WDR90: variants seen among roughly 807,000 people sequenced by gnomAD.
WDR90 encodes the protein WD repeat-containing protein 90.
In WDR90, 238 loss-of-function variants were observed where a neutral mutation model predicts 195.2. That is an observed-to-expected ratio of 1.22 (90% CI 1.10 to 1.36). The LOEUF (loss-of-function observed/expected upper bound fraction) is 1.36. Ranked by LOEUF, WDR90 falls within the 40% of genes most tolerant of loss-of-function variation. WDR90 has a pLI of 0.00. For synonymous variants in WDR90, 1,265 were observed against 1,052.4 expected (o/e 1.20, Z -3.91); for missense variants, 2,734 against 2,439.5 (o/e 1.12, Z -2.54).
rs769987565 is a variant in WDR90 at position 661,179 on chromosome 16, G to C, written c.3513+7G>C. The C allele has an allele frequency of 6.5e-7, 1 of 1,535,308 alleles. No homozygotes were observed. The highest frequency in any genetic ancestry group is 1.9e-5 in the Admixed American group (1 of 52,278). ...CCTCAGCCACAGTGCCCAGGTGCCC[G>C]CCTGCATCGCCCTCCTCCTCTCCCA... On this transcript the variant is annotated splice_region_variant and intron_variant, in intron 29 of 40. Transcript: ENST00000293879.
intron 27 of WDR90, 90 bp downstream of exon 27, chr16:660,251 TG>T: frequency 3.2e-6 from 4 of 1,238,012 alleles, no homozygotes; most frequent in Non-Finnish European, 4.4e-6. Context: ...GGGTTGCTTT[TG>T]GTCGCCAAAG....
Position 660,692 on chromosome 16 carries a change from C to G in WDR90, c.3369C>G (p.Asn1123Lys), listed in dbSNP as rs1278820487. The G allele has an allele frequency of 2.5e-6, 4 of 1,576,568 alleles. No individual in the cohort carries two copies. In the East Asian group the frequency reaches 7.1e-5, roughly 28 times the overall value. Reference protein sequence around the residue: ...VVGYSGNGRANMVWRPDTGFF... With the variant: ...VVGYSGNGRAKMVWRPDTGFF... ...GTTACAGCGGGAATGGGCGGGCCAA[C>G]ATGGTCTGGAGGCCGGACACAGGTG... Residue 1123 changes from asparagine to lysine, a missense_variant, in exon 28 of 41, where the codon AAC becomes AAG. Coordinates refer to ENST00000293879, the MANE Select transcript of WDR90 (RefSeq NM_145294.5).
rs1400291345 is a variant in WDR90, at chr16:666,661, G to C, written c.4885-12G>C. 1 of 1,612,482 alleles carries C rather than the reference G, an allele frequency of 6.2e-7. No individual in the cohort carries two copies. The highest frequency in any genetic ancestry group is 1.3e-5 in the African/African-American group (1 of 75,068). Reference sequence around the variant, plus strand: ...CCCATCCACCCCACCGCAGCATGCTGCGCCTTTGCAGACTCAGGGCCACCT... The same window carrying C: ...CCCATCCACCCCACCGCAGCATGCTCCGCCTTTGCAGACTCAGGGCCACCT... On this transcript the variant is annotated splice_polypyrimidine_tract_variant and intron_variant, in intron 38 of 40. Coordinates refer to ENST00000293879, the MANE Select transcript of WDR90 (RefSeq NM_145294.5).
At chr16:667,122 C>T in intron 40 of WDR90, 133 bp downstream of exon 40, 2 of 993,326 alleles carry the variant, frequency 2.0e-6, no homozygotes, top group Non-Finnish European at 3.0e-6. Flanking sequence ...AGGACATCTG[C>T]CCTAGAGAGG....
At chr16:657,297 G>A (rs1390872490) in intron 20 of WDR90, 76 bp downstream of exon 20, 4 of 1,450,806 alleles carry the variant, frequency 2.8e-6, no homozygotes, top group African/African-American at 2.8e-5. Context: ...CCCACACCTG[G>A]ACACACATGC....
chr16:662,631 C>A, intron 33 of WDR90, 48 bp from the exon 34 acceptor site: 1 of 1,513,116 alleles, frequency 6.6e-7, no homozygotes. Flanking sequence ...CTCTTGTCAT[C>A]GGCCTTGAGA....
chr16:650,081 C>T lies in WDR90; in HGVS notation c.193C>T (p.Leu65=), dbSNP rs2037611091. The change falls in exon 3 of 41, where the codon CTG becomes TTG. Residue 65 remains leucine, a synonymous_variant. Transcript: ENST00000293879. The part of the protein sequence containing the change: ...IQLPKSSTQS[L]GLTGRYLYVL... ...GCTCCCTAAGAGCAGCACCCAGTCTCTGGGGCTGACGGGACGATACCTGTA... is the reference window on the plus strand; with the variant it reads ...GCTCCCTAAGAGCAGCACCCAGTCTTTGGGGCTGACGGGACGATACCTGTA... 1.9e-6 allele frequency: 3 copies of T among 1,612,952 alleles called. No homozygotes were observed. The highest frequency in any genetic ancestry group is 2.5e-6 in the Non-Finnish European group (3 of 1,179,990).
rs764602873 is a variant in WDR90 at position 661,782 on chromosome 16, C to A, written c.3859C>A (p.Leu1287Ile). 1.9e-6 allele frequency: 3 copies of A among 1,598,412 alleles called. No individual in the cohort carries two copies. The highest frequency in any genetic ancestry group is 2.2e-5 in the South Asian group (2 of 89,634). Reference sequence around the variant, plus strand: ...TCAGCAGCGTGGGGCAGACATCAGCCTTCAGGTGCCACCCGTTCAGCGTTT... The same window carrying A: ...TCAGCAGCGTGGGGCAGACATCAGCATTCAGGTGCCACCCGTTCAGCGTTT... ...LLQQRGADIS[L>I]QVRREPVPEA... The change falls in exon 31 of 41, where the codon CTT (leucine) becomes ATT (isoleucine). Residue 1287 changes from leucine (L) to isoleucine (I), a missense_variant. By Grantham distance (5) the Leu-to-Ile change is conservative (BLOSUM62 2). Transcript: ENST00000293879.
At chr16:654,977 G>A (rs992654896) in intron 13 of WDR90, 52 bp from the exon 14 acceptor site, 5 of 1,570,548 alleles carry the variant, frequency 3.2e-6, no homozygotes, top group South Asian at 2.2e-5. Context: ...TTGCAGAATC[G>A]AGGTGGCCCC....
chr16:655,341 T>C lies in WDR90; in HGVS notation c.1591T>C (p.Trp531Arg), dbSNP rs752454131. Residue 531 changes from tryptophan to arginine, a missense_variant, in exon 15 of 41, where the codon TGG (tryptophan) becomes CGG (arginine). Coordinates refer to ENST00000293879, the MANE Select transcript of WDR90 (RefSeq NM_145294.5). ...ASCGQGSVRL[W>R]RLRGGVLRSC... The stretch of plus-strand genomic sequence containing the variant: ...GTGCGGGCAGGGCAGTGTGCGGCTC[T>C]GGCGGCTGCGTGGCGGGGTGCTGCG... The C allele has an allele frequency of 1.9e-6, 3 of 1,603,496 alleles. No individual in the cohort carries two copies. The highest frequency in any genetic ancestry group is 2.5e-6 in the Non-Finnish European group (3 of 1,179,392).
At chr16:667,285 G>A in intron 40 of WDR90, 147 bp from the exon 41 acceptor site, 2 of 1,105,436 alleles carry the variant, frequency 1.8e-6, no homozygotes, top group Non-Finnish European at 1.3e-6. Context: ...AGTCCCAGTG[G>A]CACGTGGAGG....
chr16:662,239 T>G lies in WDR90; in HGVS notation c.4053T>G (p.Gly1351=). The G allele has an allele frequency of 1.3e-6, 2 of 1,577,096 alleles. No homozygotes were observed. Among genetic ancestry groups the G allele is most frequent in the Admixed American group, 1.8e-5 (1 of 54,596 alleles). Residue 1351 remains glycine (G), a synonymous_variant, in exon 33 of 41, where the codon GGT becomes GGG. Coordinates refer to ENST00000293879, the MANE Select transcript of WDR90 (RefSeq NM_145294.5). ...CCCTAGGGCTGTTGCTGTTCTCGGG[T>G]TCTCGATTGGTCAGCGGCAGCAGCA... is the stretch of plus-strand genomic sequence containing the variant. ...DGGIGLLLFS[G]SRLVSGSSTG...
rs771832201 is a variant in WDR90 at position 660,635 on chromosome 16, C to T, written c.3312C>T (p.Ser1104=). The T allele has an allele frequency of 1.3e-5, 20 of 1,575,540 alleles. No homozygotes were observed. In the East Asian group the frequency reaches 2.4e-4, roughly 19 times the overall value. Residue 1104 remains serine, a synonymous_variant, in exon 28 of 41, where the codon AGC becomes AGT. Transcript: ENST00000293879. ...SAKGTCPPPA[S]GGWLRLKAVV... is the part of the protein sequence containing the mutation. ...AGGGCACTTGCCCGCCTCCCGCCAG[C>T]GGTGGGTGGCTGCGTCTGAAGGCTG...
Position 659,115 on chromosome 16 carries a change from C to T in WDR90, c.3041C>T (p.Ala1014Val). The change falls in exon 25 of 41, where the codon GCC (alanine) becomes GTC (valine). Residue 1014 changes from alanine (A) to valine (V), a missense_variant. By Grantham distance (64) the Ala-to-Val change is moderately conservative. Coordinates refer to ENST00000293879, the MANE Select transcript of WDR90 (RefSeq NM_145294.5). Reference sequence around the variant, plus strand: ...CAAAGCTTCCCCGGGGCCCCCCCAGCCTGCAAGACAGGTGAGTGGCTGTGC... The same window carrying T: ...CAAAGCTTCCCCGGGGCCCCCCCAGTCTGCAAGACAGGTGAGTGGCTGTGC... ...SDQSFPGAPP[A>V]CKTGPGAGPL... 1 of 1,612,018 alleles carries T rather than the reference C, an allele frequency of 6.2e-7. No homozygotes were observed.
Position 666,043 on chromosome 16 carries a change from T to C in WDR90, c.4528T>C (p.Phe1510Leu). 2 of 1,606,070 alleles carry C rather than the reference T, an allele frequency of 1.2e-6. No homozygotes were observed. The highest frequency in any genetic ancestry group is 1.7e-6 in the Non-Finnish European group (2 of 1,179,838). Reference sequence around the variant, plus strand: ...CTACGGTGACGGCTCCCTGCGCATCTTCAGCGTCTCCCGCACGGCCATGGA... The same window carrying C: ...CTACGGTGACGGCTCCCTGCGCATCCTCAGCGTCTCCCGCACGGCCATGGA... Reference protein sequence around the residue: ...AGYGDGSLRIFSVSRTAMELK... With the variant: ...AGYGDGSLRILSVSRTAMELK... Residue 1510 changes from phenylalanine to leucine, a missense_variant, in exon 36 of 41, where the codon TTC (phenylalanine) becomes CTC (leucine). Physicochemically the swap from Phe to Leu is conservative, Grantham distance 22 (BLOSUM62 0). Coordinates refer to ENST00000293879, the MANE Select transcript of WDR90 (RefSeq NM_145294.5).
Position 650,621 on chromosome 16 carries a change from C to G in WDR90, c.471C>G (p.Asn157Lys), listed in dbSNP as rs368131886. 5 of 1,612,814 alleles carry G rather than the reference C, an allele frequency of 3.1e-6. No homozygotes were observed. Among genetic ancestry groups the G allele is most frequent in the Middle Eastern group, 1.6e-4 (1 of 6,062 alleles). The stretch of plus-strand genomic sequence containing the variant: ...AGGACGTTCTCCTGGTCTACCTGAA[C>G]CGGTGCTACGGCCATCTCAAGAGCA... Reference protein sequence around the residue: ...DLQDVLLVYLNRCYGHLKSIR... With the variant: ...DLQDVLLVYLKRCYGHLKSIR... The change falls in exon 5 of 41, where the codon AAC becomes AAG. Residue 157 changes from asparagine (N) to lysine (K), a missense_variant. Physicochemically the swap from Asn to Lys is moderately conservative, Grantham distance 94. Transcript: ENST00000293879.
rs937091659 is a variant in WDR90 at position 659,514 on chromosome 16, G to T, written c.3184+138G>T. 8.2e-6 allele frequency: 10 copies of T among 1,222,574 alleles called. No homozygotes were observed. In the African/African-American group the frequency reaches 1.5e-4, roughly 18 times the overall value. 75.7% of individuals were successfully genotyped at this position (1,222,574 alleles called of 1,614,324 possible). On this transcript the variant is annotated intron_variant, in intron 26 of 40. Transcript: ENST00000293879. The stretch of plus-strand genomic sequence containing the variant: ...TGCTCATCAGGTGGAACACAGTGGG[G>T]TCGGGGTGGGGGCAGCTTTTCCTCT...
At position 657,806 on chromosome 16, in the gene WDR90, GCAGT is replaced by G; in HGVS notation, c.2522_2525del (p.Val841AlafsTer17). 1 of 1,560,840 alleles carries G rather than the reference GCAGT, an allele frequency of 6.4e-7. No individual in the cohort carries two copies. Among genetic ancestry groups the G allele is most frequent in the African/African-American group, 1.4e-5 (1 of 73,792 alleles). On this transcript the variant is annotated frameshift_variant, in exon 21 of 41. Transcript: ENST00000293879. LOFTEE classifies it high-confidence loss of function. ...TGCCCCCGCGAGCCCCAGCGCCCTGGCAGTCAGCAGGGATGGCCGCCTGCTGGCC... is the reference window on the plus strand; with the variant it reads ...TGCCCCCGCGAGCCCCAGCGCCCTGGCAGCAGGGATGGCCGCCTGCTGGCC...
chr16:660,097 C>T lies in WDR90; in HGVS notation c.3224C>T (p.Thr1075Ile), dbSNP rs753186042. ...DTRNSGAPRT[T>I]YLASCKAFTP... is the part of the protein sequence containing the mutation. ...AGGAATTCGGGGGCCCCACGCACCACCTACCTGGCTTCCTGCAAGGCCTTC... is the reference window on the plus strand; with the variant it reads ...AGGAATTCGGGGGCCCCACGCACCATCTACCTGGCTTCCTGCAAGGCCTTC... Residue 1075 changes from threonine (T) to isoleucine (I), a missense_variant, in exon 27 of 41, where the codon ACC becomes ATC. Thr to Ile is a moderately conservative substitution (Grantham distance 89, BLOSUM62 -1). Transcript: ENST00000293879. 6 of 1,548,500 alleles carry T rather than the reference C, an allele frequency of 3.9e-6. No individual in the cohort carries two copies. Among genetic ancestry groups the T allele is most frequent in the South Asian group, 2.4e-5 (2 of 84,070 alleles).
Sources: allele counts gnomAD v4.1 joint callset, GRCh38; gene constraint gnomAD v4.1.1; transcripts MANE v1.5; gene names NCBI Gene and HGNC (gene_info 2026-07-23, HGNC 2026-07-21).